Variants in ENOX1 observed in about 807,000 individuals in gnomAD.
The protein encoded by ENOX1 is candidate growth-related and time keeping constitutive hydroquinone (NADH) oxidase.
In ENOX1, 42 loss-of-function variants were observed where a neutral mutation model predicts 82.5. The observed-to-expected ratio is 0.51, with a 90% CI of 0.40 to 0.66. The LOEUF is 0.66. Among genes scored for constraint, ENOX1 ranks in the 30% least tolerant of loss-of-function variants. The pLI is 0.00. For missense variants in ENOX1, 608 were observed against 811.6 expected (o/e 0.75, Z 3.05); for synonymous variants, 271 against 282.2 (o/e 0.96, Z 0.40).
At chr13:43,691,447 T>C (rs1008802237) in intron 1 of ENOX1, among the ~76,000 whole-genome samples, 1 of 152,066 alleles carries the variant, frequency 6.6e-6, no homozygotes, top group Non-Finnish European at 1.5e-5. Context: ...TGCCTTTGTA[T>C]AAACCCTCAC....
At chr13:43,342,828 C>T (rs2049148312) in intron 9 of ENOX1, among the ~76,000 whole-genome samples, 1 of 152,240 alleles carries the variant, frequency 6.6e-6, no homozygotes, top group Non-Finnish European at 1.5e-5. Context: ...GTCCCTCTCT[C>T]AGTTGCTTCA....
rs1015936267 is a variant in ENOX1 at position 43,786,006 on chromosome 13, T to A, written c.-285+646A>T. On this transcript the variant is annotated intron_variant, in intron 1 of 16. Coordinates refer to ENST00000690772, the MANE Select transcript of ENOX1 (RefSeq NM_001347969.2). The surrounding 1 kb of genome is among the most constrained non-coding windows in gnomAD (Gnocchi z 6.0). Reference sequence around the variant, plus strand: ...AGTCCGGCTGCCCCAGTGCCTCCTTTACCTCGCGTTGGGCCAGGCAGGGCG... The same window carrying A: ...AGTCCGGCTGCCCCAGTGCCTCCTTAACCTCGCGTTGGGCCAGGCAGGGCG... Among the ~76,000 whole-genome samples the A allele has an allele frequency of 3.3e-5, 5 of 152,066 alleles. No individual in the cohort carries two copies. The highest frequency in any genetic ancestry group is 7.4e-5 in the Non-Finnish European group (5 of 67,994).
intron 2 of ENOX1, among the ~76,000 whole-genome samples, chr13:43,497,524 G>A (rs1031389215): frequency 2.0e-4 from 31 of 151,866 alleles, no homozygotes; most frequent in African/African-American, 7.5e-4. Context: ...CTATTAATGT[G>A]GATTGATTTT....
chr13:43,223,721 C>T (rs76049488), intron 16 of ENOX1, among the ~76,000 whole-genome samples: 93 of 152,248 alleles, frequency 6.1e-4, no homozygotes, highest in Middle Eastern at 6.8e-3. Context: ...GAGGATAATG[C>T]CCTATTAGCC....
intron 2 of ENOX1, among the ~76,000 whole-genome samples, chr13:43,605,555 A>T (rs2081941304): frequency 6.6e-6 from 1 of 152,208 alleles, no homozygotes; most frequent in South Asian, 2.1e-4. Context: ...ACCTTAGGGG[A>T]AAGTACAGTC....
At chr13:43,348,822 CA>C (rs1336049328) in intron 8 of ENOX1, among the ~76,000 whole-genome samples, 1 of 152,176 alleles carries the variant, frequency 6.6e-6, no homozygotes, top group African/African-American at 2.4e-5. Context: ...AAAGAAAAGC[CA>C]CCAAGTGCTT....
chr13:43,526,526 G>A (rs2077998047), intron 2 of ENOX1, among the ~76,000 whole-genome samples: 1 of 151,978 alleles, frequency 6.6e-6, no homozygotes, highest in Non-Finnish European at 1.5e-5. Context: ...TGAACTAGAA[G>A]GCCAGGAAAA....
At chr13:43,481,761 T>G (rs189347024) in intron 3 of ENOX1, among the ~76,000 whole-genome samples, 11 of 152,232 alleles carry the variant, frequency 7.2e-5, no homozygotes, top group Non-Finnish European at 1.5e-4. Flanking sequence ...ACCATATATC[T>G]GATAAGGGGT....
intron 12 of ENOX1, among the ~76,000 whole-genome samples, chr13:43,280,049 G>C (rs1867512): frequency 0.98 from 150,080 of 152,374 alleles, 73,963 homozygotes; most frequent in East Asian, 1. Flanking sequence ...ATTCTTATCA[G>C]TTTTGTTTTT....
At chr13:43,351,541 G>T (rs7995381) in intron 8 of ENOX1, among the ~76,000 whole-genome samples, 1 of 141,990 alleles carries the variant, frequency 7.0e-6, no homozygotes, top group Non-Finnish European at 1.5e-5. Flanking sequence ...TCGTCATCTA[G>T]CCTTAGGTAT....
intron 9 of ENOX1, among the ~76,000 whole-genome samples, chr13:43,340,886 T>C (rs930355898): frequency 2.0e-5 from 3 of 152,236 alleles, no homozygotes; most frequent in African/African-American, 7.2e-5. Flanking sequence ...GCTTGATATA[T>C]ATTGATGACT....
chr13:43,302,816 A>G (rs1191101451), intron 11 of ENOX1, among the ~76,000 whole-genome samples: 1 of 152,236 alleles, frequency 6.6e-6, no homozygotes, highest in African/African-American at 2.4e-5. Context: ...GAAAGCCTTG[A>G]AATCTCTTTT....
intron 3 of ENOX1, among the ~76,000 whole-genome samples, chr13:43,473,377 C>T (rs1359722213): frequency 6.6e-6 from 1 of 152,130 alleles, no homozygotes; most frequent in Non-Finnish European, 1.5e-5. Context: ...ACATTCTCTG[C>T]TAAAATTTAG....
At chr13:43,407,372 G>A (rs1174912075) in intron 5 of ENOX1, among the ~76,000 whole-genome samples, 2 of 152,190 alleles carry the variant, frequency 1.3e-5, no homozygotes, top group Non-Finnish European at 2.9e-5. Context: ...TAGTGGAGAA[G>A]GATCTCCACA....
At chr13:43,662,374 G>C (rs2084777607) in intron 2 of ENOX1, among the ~76,000 whole-genome samples, 2 of 152,130 alleles carry the variant, frequency 1.3e-5, no homozygotes, top group African/African-American at 4.8e-5. Flanking sequence ...TAATAATGCA[G>C]AGCATCTCCA....
chr13:43,740,922 A>G (rs905337522), intron 1 of ENOX1, among the ~76,000 whole-genome samples: 4 of 152,100 alleles, frequency 2.6e-5, no homozygotes, highest in African/African-American at 4.8e-5. Flanking sequence ...CTTTTTAGCT[A>G]TTATGAATAG....
intron 3 of ENOX1, among the ~76,000 whole-genome samples, chr13:43,471,809 CAAAA>C (rs5803181): frequency 8.0e-6 from 1 of 124,540 alleles, no homozygotes; most frequent in African/African-American, 3.5e-5. Context: ...GACTCCGTCT[CAAAA>C]AAAAAAAAAA....
intron 1 of ENOX1, among the ~76,000 whole-genome samples, chr13:43,712,135 C>T (rs1374081121): frequency 4.0e-5 from 6 of 149,896 alleles, no homozygotes; most frequent in African/African-American, 1.5e-4. Context: ...CAGCTTTCTA[C>T]ATACGGCTAG....
At chr13:43,732,030 C>T (rs1238431147) in intron 1 of ENOX1, among the ~76,000 whole-genome samples, 1 of 152,164 alleles carries the variant, frequency 6.6e-6, no homozygotes, top group Non-Finnish European at 1.5e-5. Context: ...TCAATATTAA[C>T]AGCATCAGAA....
Sources: allele counts gnomAD v4.1 joint callset (sites outside exome capture counted in the v4.1 genomes callset), GRCh38; gene constraint gnomAD v4.1.1; non-coding constraint Gnocchi (gnomAD v3.1); transcripts MANE v1.5; gene names NCBI Gene and HGNC (gene_info 2026-07-23, HGNC 2026-07-21).